Variants in ROBO2 observed in about 807,000 individuals in gnomAD.
ROBO2 encodes roundabout homolog 2.
A neutral mutation model predicts 160.8 loss-of-function variants in ROBO2; 53 were observed. That is an observed-to-expected ratio of 0.33 (90% confidence interval 0.26 to 0.41). The LOEUF is 0.41. Ranked by LOEUF, ROBO2 falls within the 10% of genes least tolerant of loss-of-function variation. The pLI, the probability that ROBO2 is intolerant of heterozygous loss-of-function variation, is 1.00. For synonymous variants in ROBO2, 664 were observed against 611.7 expected (o/e 1.09, Z -1.26); for missense variants, 1,577 against 1,722.4 (o/e 0.92, Z 1.49).
At chr3:76,539,462 A>G (rs2082700660) in intron 2 of ROBO2, among the ~76,000 whole-genome samples, 2 of 152,178 alleles carry the variant, frequency 1.3e-5, no homozygotes, top group Admixed American at 1.3e-4. Flanking sequence ...AAACAAATCA[A>G]ATGGCATCTT....
At chr3:77,285,932 A>T (rs1009762172) in intron 2 of ROBO2, among the ~76,000 whole-genome samples, 1 of 152,150 alleles carries the variant, frequency 6.6e-6, no homozygotes, top group African/African-American at 2.4e-5. Context: ...ATAAATACCA[A>T]TGCCCTATAT....
intron 2 of ROBO2, among the ~76,000 whole-genome samples, chr3:76,555,425 G>GAGAAGAA (rs2083714313): frequency 1.5e-5 from 1 of 68,472 alleles, no homozygotes; most frequent in East Asian, 6.2e-4. Flanking sequence ...AAGAAAGAAG[G>GAGAAGAA]AGAAGGGGAA....
chr3:77,102,032 C>T (rs541981446), intron 2 of ROBO2, among the ~76,000 whole-genome samples: 1 of 152,192 alleles, frequency 6.6e-6, no homozygotes, highest in Admixed American at 6.5e-5. Context: ...AGAGTGAAAC[C>T]CTATCTCAAA....
At chr3:77,288,638 T>A (rs770916837) in intron 2 of ROBO2, among the ~76,000 whole-genome samples, 1 of 152,138 alleles carries the variant, frequency 6.6e-6, no homozygotes, top group African/African-American at 2.4e-5. Flanking sequence ...CATGGCAGAT[T>A]TTTTTTACAA....
intron 2 of ROBO2, among the ~76,000 whole-genome samples, chr3:77,211,739 A>G (rs1222913618): frequency 6.6e-6 from 1 of 152,134 alleles, no homozygotes; most frequent in Non-Finnish European, 1.5e-5. Context: ...TCCCTCTTGA[A>G]TTAATTTTTG....
intron 2 of ROBO2, among the ~76,000 whole-genome samples, chr3:77,324,554 C>T (rs889494911): frequency 6.6e-6 from 1 of 151,934 alleles, no homozygotes; most frequent in Non-Finnish European, 1.5e-5. Context: ...CCGAGGCGGG[C>T]GGATCACGAG....
chr3:77,572,513 T>C (rs1162102519), intron 13 of ROBO2, among the ~76,000 whole-genome samples: 2 of 151,742 alleles, frequency 1.3e-5, no homozygotes, highest in Admixed American at 1.3e-4. Context: ...TTTTTTTACC[T>C]GACCTCATAC....
At chr3:75,979,140 A>G (rs1225914827) in intron 2 of ROBO2, among the ~76,000 whole-genome samples, 1 of 151,518 alleles carries the variant, frequency 6.6e-6, no homozygotes, top group East Asian at 1.9e-4. Context: ...AAAATAATAA[A>G]TGGTTGTTTT....
At chr3:76,176,896 C>G (rs1239895748) in intron 2 of ROBO2, among the ~76,000 whole-genome samples, 1 of 152,070 alleles carries the variant, frequency 6.6e-6, no homozygotes, top group Non-Finnish European at 1.5e-5. Flanking sequence ...TTAAATGATT[C>G]TGTAAAACTA....
intron 2 of ROBO2, among the ~76,000 whole-genome samples, chr3:76,301,805 G>T (rs537296069): frequency 3.9e-4 from 59 of 152,168 alleles, no homozygotes; most frequent in African/African-American, 1.4e-3. Context: ...CAAAAATATA[G>T]CCGAAGGGTT....
chr3:77,139,865 A>G (rs1157417333), intron 2 of ROBO2, among the ~76,000 whole-genome samples: 1 of 152,156 alleles, frequency 6.6e-6, no homozygotes, highest in Non-Finnish European at 1.5e-5. Flanking sequence ...TTTCCCATCA[A>G]GGCAAATCCT....
At chr3:75,933,078 T>C (rs1947615774) in intron 1 of ROBO2, among the ~76,000 whole-genome samples, 1 of 152,206 alleles carries the variant, frequency 6.6e-6, no homozygotes, top group Admixed American at 6.5e-5. Context: ...AAAAGACTCC[T>C]TTTAATAGTG....
chr3:77,291,700 C>A (rs141508725), intron 2 of ROBO2, among the ~76,000 whole-genome samples: 89 of 151,762 alleles, frequency 5.9e-4, no homozygotes, highest in South Asian at 3.5e-3. Context: ...GAGGCTAGAT[C>A]ACTAAAGACA....
chr3:77,237,067 C>T (rs1411316603), intron 2 of ROBO2, among the ~76,000 whole-genome samples: 1 of 151,878 alleles, frequency 6.6e-6, no homozygotes, highest in Non-Finnish European at 1.5e-5. Flanking sequence ...GAGTCACTGT[C>T]TCATCACTTT....
chr3:77,602,575 G>A, intron 20 of ROBO2, 84 bp downstream of exon 21: 1 of 1,509,508 alleles, frequency 6.6e-7, no homozygotes, highest in Non-Finnish European at 9.2e-7. Context: ...GTTTGACTTA[G>A]TGATTCATTA....
chr3:76,694,422 A>G lies in ROBO2; in HGVS notation c.110-403592A>G, dbSNP rs140649999. On this transcript the variant is annotated intron_variant, in intron 2 of 26. Coordinates refer to the ROBO2 transcript ENST00000487694. The stretch of plus-strand genomic sequence containing the variant: ...AGCTAGTTCAGTGACTGTTATATTA[A>G]GAGCCCAAATAAGCCAAAAGAGGTC... Among the ~76,000 whole-genome samples the G allele has an allele frequency of 1.1e-4, 16 of 152,284 alleles. No individual in the cohort carries two copies. In the East Asian group the frequency reaches 3.1e-3, roughly 29 times the overall value.
chr3:75,960,861 G>C (rs1207419747), intron 2 of ROBO2, among the ~76,000 whole-genome samples: 2 of 151,604 alleles, frequency 1.3e-5, no homozygotes, highest in Admixed American at 6.6e-5. Flanking sequence ...ATATAAATAT[G>C]AAGATATTGG....
chr3:77,492,621 T>A (rs1437667323), intron 4 of ROBO2, among the ~76,000 whole-genome samples: 1 of 151,950 alleles, frequency 6.6e-6, no homozygotes, highest in Non-Finnish European at 1.5e-5. Flanking sequence ...AATTGATAAA[T>A]AAATAGTTTG....
Position 75,977,633 on chromosome 3 carries a change from T to C in ROBO2, c.109+40031T>C, listed in dbSNP as rs145075193. On this transcript the variant is annotated intron_variant, in intron 2 of 26. Coordinates refer to the ROBO2 transcript ENST00000487694. ...AAAGAAATGAGTAGGGGTATGCTAG[T>C]TGCAATTTAACTAGGATGGATGAAC... is the stretch of plus-strand genomic sequence containing the variant. 2.0e-5 allele frequency among the ~76,000 whole-genome samples: 3 copies of C among 151,638 alleles called. No individual in the cohort carries two copies. In the East Asian group the frequency reaches 5.9e-4, roughly 30 times the overall value.
Sources: gnomAD v4.1 joint callset for allele counts (sites outside exome capture counted in the v4.1 genomes callset) on GRCh38, gnomAD v4.1.1 for gene constraint, MANE v1.5 for transcripts, NCBI Gene and HGNC (gene_info 2026-07-23, HGNC 2026-07-21) for gene names.